ZNF831: variants seen among roughly 807,000 people sequenced by gnomAD.
ZNF831 encodes the protein zinc finger protein 831.
ZNF831 carries 59 observed loss-of-function variants against 95.8 expected under a neutral mutation model. That is an observed-to-expected ratio of 0.62 (90% CI 0.50 to 0.77). The LOEUF (loss-of-function observed/expected upper bound fraction) is 0.77, where lower values mean the gene tolerates loss of function less well. ZNF831 is among the 30% of genes least tolerant of loss of function. ZNF831 has a pLI of 0.00. For missense variants in ZNF831, 2,205 were observed against 2,164.0 expected (o/e 1.02, Z -0.38); for synonymous variants, 961 against 925.5 (o/e 1.04, Z -0.70).
chr20:59,194,400 C>A lies in ZNF831; in HGVS notation c.3381C>A (p.Pro1127=), dbSNP rs1312487754. ...GPLVGPDPCS[P]LQPGSFLTAL... is the part of the protein sequence containing the mutation. ...TGGTGGGCCCCGACCCGTGTTCCCC[C>A]CTCCAGCCTGGCTCCTTCCTCACTG... Residue 1127 remains proline (P), a synonymous_variant, in exon 2 of 6, where the codon CCC becomes CCA. Transcript: ENST00000371030. 1.2e-5 allele frequency: 20 copies of A among 1,609,956 alleles called. No homozygotes were observed. Among genetic ancestry groups the A allele is most frequent in the Non-Finnish European group, 1.6e-5 (19 of 1,178,124 alleles).
upstream of ZNF831, among the ~76,000 whole-genome samples, chr20:59,163,014 GGTGTGTGTGTGT>G (rs58451639): frequency 1.8e-4 from 25 of 136,530 alleles, no homozygotes; most frequent in Admixed American, 2.9e-4. Context: ...TGTATTCCTA[GGTGTGTGTGTGT>G]GTGTGTGTGT....
intron 1 of ZNF831, among the ~76,000 whole-genome samples, chr20:59,132,805 C>CGCTT (rs1979388837): frequency 6.6e-6 from 1 of 152,244 alleles, no homozygotes; most frequent in Non-Finnish European, 1.5e-5. Flanking sequence ...GGCTGAAGGC[C>CGCTT]GCTTCTCCAG....
intron 4 of ZNF831, among the ~76,000 whole-genome samples, chr20:59,210,237 C>G (rs1985198940): frequency 6.6e-6 from 1 of 152,180 alleles, no homozygotes; most frequent in African/African-American, 2.4e-5. Flanking sequence ...CAGAATTGCC[C>G]CGGCCACTGC....
In ZNF831 at chr20:59,229,725, A is replaced by G. The variant is rs1426101347; in HGVS notation, c.4027+22669A>G. Among the ~76,000 whole-genome samples the G allele has an allele frequency of 2.0e-5, 3 of 152,116 alleles. No individual in the cohort carries two copies. In the East Asian group the frequency reaches 5.8e-4, roughly 29 times the overall value. On this transcript the variant is annotated intron_variant, in intron 4 of 5. Coordinates refer to ENST00000371030, the MANE Select transcript of ZNF831 (RefSeq NM_178457.3). ...ACCTTTCTCTGTTCCTGCCCCACCC[A>G]CCCCTACTCTTTTCATTTAATTTTT...
intron 4 of ZNF831, among the ~76,000 whole-genome samples, chr20:59,233,967 C>T (rs1221111932): frequency 6.6e-6 from 1 of 152,202 alleles, no homozygotes; most frequent in African/African-American, 2.4e-5. Context: ...CCCGATGGGC[C>T]ATCCTCTCCT....
chr20:59,134,443 G>GA (rs2146438631), intron 1 of ZNF831, among the ~76,000 whole-genome samples: 1 of 152,336 alleles, frequency 6.6e-6, no homozygotes, highest in South Asian at 2.1e-4. Flanking sequence ...AGACTGAAGG[G>GA]AAAACAGCTG....
intron 3 of ZNF831, among the ~76,000 whole-genome samples, chr20:59,205,741 G>A (rs750150555): frequency 2.0e-5 from 3 of 152,172 alleles, no homozygotes; most frequent in Admixed American, 6.5e-5. Flanking sequence ...GATTACTTGT[G>A]GCTTGACCAG....
chr20:59,125,786 C>T (rs1979154538), intron 1 of ZNF831, among the ~76,000 whole-genome samples: 1 of 152,140 alleles, frequency 6.6e-6, no homozygotes, highest in African/African-American at 2.4e-5. Flanking sequence ...TGTTTGGGTA[C>T]CACATCGATT....
chr20:59,137,322 G>A (rs964003982), intron 1 of ZNF831, among the ~76,000 whole-genome samples: 2 of 150,062 alleles, frequency 1.3e-5, no homozygotes, highest in African/African-American at 2.5e-5. Context: ...TATACAAGAT[G>A]AAAAATACCT....
intron 2 of ZNF831, among the ~76,000 whole-genome samples, chr20:59,152,240 TC>T (rs1215410254): frequency 6.6e-6 from 1 of 152,124 alleles, no homozygotes; most frequent in Non-Finnish European, 1.5e-5. Flanking sequence ...CTAAGCTAAA[TC>T]CACTACAATG....
intron 1 of ZNF831, among the ~76,000 whole-genome samples, chr20:59,172,559 G>C (rs1441358118): frequency 1.2e-4 from 19 of 152,138 alleles, no homozygotes; most frequent in Admixed American, 1.2e-3. Flanking sequence ...GAGGTTGCCT[G>C]TGATACACCC....
chr20:59,248,779 T>G (rs1987738159), intron 4 of ZNF831, among the ~76,000 whole-genome samples: 1 of 152,190 alleles, frequency 6.6e-6, no homozygotes, highest in South Asian at 2.1e-4. Context: ...TTTTGATAAT[T>G]TTTCATGGGT....
intron 2 of ZNF831, among the ~76,000 whole-genome samples, chr20:59,150,551 A>T (rs1483683387): frequency 6.6e-6 from 1 of 152,200 alleles, no homozygotes; most frequent in Admixed American, 6.5e-5. Flanking sequence ...ATCATCTATG[A>T]ATAGTAACCA....
Position 59,194,655 on chromosome 20 carries a change from T to C in ZNF831, c.3636T>C (p.Pro1212=). Residue 1212 remains proline (P), a synonymous_variant, in exon 2 of 6, where the codon CCT becomes CCC. Transcript: ENST00000371030. ...CTGTGTACTTGGCGGTGCACTTTCC[T>C]GGTAGCAGCCTCCGAGATGAGGGTC... ...AASVYLAVHF[P]GSSLRDEGPN... is the part of the protein sequence containing the mutation. 1 of 1,613,378 alleles carries C rather than the reference T, an allele frequency of 6.2e-7. No homozygotes were observed. The highest frequency in any genetic ancestry group is 8.5e-7 in the Non-Finnish European group (1 of 1,179,800).
In ZNF831 at chr20:59,255,498, G is replaced by T. The variant is rs956773944; in HGVS notation, c.*755G>T. 1.3e-5 allele frequency: 2 copies of T among 151,592 alleles called. No individual in the cohort carries two copies. Among genetic ancestry groups the T allele is most frequent in the Non-Finnish European group, 2.9e-5 (2 of 67,852 alleles). The allele number at this position is 151,592 out of a possible 1,614,324, so 9.4% of individuals were successfully genotyped here. On this transcript the variant is annotated 3_prime_UTR_variant, in exon 6 of 6. Coordinates refer to ENST00000371030, the MANE Select transcript of ZNF831 (RefSeq NM_178457.3). ...GCTGTGGAGATCTCTGAGACTGTCG[G>T]TTTTTCTAGTTCTTGCAAAGGAACG...
intron 3 of ZNF831, among the ~76,000 whole-genome samples, chr20:59,201,322 A>G (rs1300892063): frequency 1.3e-5 from 2 of 152,144 alleles, no homozygotes; most frequent in Non-Finnish European, 2.9e-5. Flanking sequence ...GCGCATCAAA[A>G]ATGGGTTGTT....
chr20:59,217,170 G>C lies in ZNF831; in HGVS notation c.4027+10114G>C, dbSNP rs1217412500. Among the ~76,000 whole-genome samples, 7 of 151,452 alleles carry C rather than the reference G, an allele frequency of 4.6e-5. No homozygotes were observed. The highest frequency in any genetic ancestry group is 1.7e-4 in the African/African-American group (7 of 41,184). The stretch of plus-strand genomic sequence containing the variant: ...CTGACAGATCTTCATCTCTGTGTGT[G>C]TGTGTGTGTGTGTGTGTGTGTGTGT... On this transcript the variant is annotated intron_variant, in intron 4 of 5. Coordinates refer to ENST00000371030, the MANE Select transcript of ZNF831 (RefSeq NM_178457.3). The surrounding 1 kb of genome is among the most constrained non-coding windows in gnomAD (Gnocchi z 4.4).
At chr20:59,250,028 A>G (rs1390362676) in intron 4 of ZNF831, among the ~76,000 whole-genome samples, 1 of 152,212 alleles carries the variant, frequency 6.6e-6, no homozygotes, top group African/African-American at 2.4e-5. Flanking sequence ...CAACTCAGAC[A>G]TTCATGGTAC....
chr20:59,235,001 G>T (rs1216024834), intron 4 of ZNF831, among the ~76,000 whole-genome samples: 3 of 151,962 alleles, frequency 2.0e-5, no homozygotes, highest in Non-Finnish European at 4.4e-5. Flanking sequence ...GCCATTCAGG[G>T]TCCCGCATGA....
Sources: allele counts gnomAD v4.1 joint callset (sites outside exome capture counted in the v4.1 genomes callset), GRCh38; gene constraint gnomAD v4.1.1; non-coding constraint Gnocchi (gnomAD v3.1); transcripts MANE v1.5; gene names NCBI Gene and HGNC (gene_info 2026-07-23, HGNC 2026-07-21).